Variants in RABGAP1L observed in about 807,000 individuals in gnomAD.
The protein encoded by RABGAP1L is RAB GTPase activating protein 1 like.
RABGAP1L carries 63 observed loss-of-function variants against 137.7 expected under a neutral mutation model. That is an observed-to-expected ratio of 0.46 (90% CI 0.37 to 0.56). The LOEUF is 0.56. Among genes scored for constraint, RABGAP1L ranks in the 20% least tolerant of loss-of-function variants. The pLI, the probability that RABGAP1L is intolerant of heterozygous loss-of-function variation, is 0.00. For missense variants in RABGAP1L, 1,095 were observed against 1,244.0 expected, an observed-to-expected ratio of 0.88 and a Z score of 1.80; for synonymous variants, 431 against 433.7, an observed-to-expected ratio of 0.99 and a Z score of 0.08.
At chr1:174,481,777 C>G (rs779770317) in intron 13 of RABGAP1L, among the ~76,000 whole-genome samples, 1 of 151,364 alleles carries the variant, frequency 6.6e-6, no homozygotes, top group Admixed American at 6.6e-5. Context: ...ATGTCTTATT[C>G]TTTGAGTTAG....
intron 19 of RABGAP1L, among the ~76,000 whole-genome samples, chr1:174,904,228 C>T (rs1573754862): frequency 6.6e-6 from 1 of 152,124 alleles, no homozygotes; most frequent in South Asian, 2.1e-4. Flanking sequence ...AGATTGAGGC[C>T]AGGTGTGGTG....
intron 14 of RABGAP1L, among the ~76,000 whole-genome samples, chr1:174,673,818 C>T (rs1048547419): frequency 2.4e-4 from 36 of 152,142 alleles, no homozygotes; most frequent in African/African-American, 7.7e-4. Flanking sequence ...GTCTGAAAGG[C>T]TGAATATGTA....
intron 19 of RABGAP1L, among the ~76,000 whole-genome samples, chr1:174,916,223 G>A (rs571413703): frequency 3.2e-4 from 48 of 152,084 alleles, no homozygotes; most frequent in Non-Finnish European, 5.9e-4. Flanking sequence ...TTGAAAGTCA[G>A]ATGACCATAA....
intron 17 of RABGAP1L, among the ~76,000 whole-genome samples, chr1:174,744,839 T>G (rs542629853): frequency 6.6e-6 from 1 of 152,310 alleles, no homozygotes; most frequent in Admixed American, 6.5e-5. Flanking sequence ...GTGGAGCATT[T>G]GATAAAAATA....
chr1:174,227,823 A>G (rs568736775), intron 3 of RABGAP1L, among the ~76,000 whole-genome samples: 1 of 149,298 alleles, frequency 6.7e-6, no homozygotes, highest in East Asian at 1.9e-4. Flanking sequence ...TTGCTAATAC[A>G]TATGTTAGAA....
intron 13 of RABGAP1L, among the ~76,000 whole-genome samples, chr1:174,515,544 C>T (rs1316794626): frequency 6.6e-6 from 1 of 150,784 alleles, no homozygotes; most frequent in African/African-American, 2.4e-5. Flanking sequence ...TGATTTGTTA[C>T]ATTTGCAAAT....
chr1:174,694,779 A>G (rs1161709202), intron 15 of RABGAP1L, among the ~76,000 whole-genome samples: 1 of 151,544 alleles, frequency 6.6e-6, no homozygotes, highest in Non-Finnish European at 1.5e-5. Context: ...CGCCACACTG[A>G]CTTCCACAAT....
intron 10 of RABGAP1L, among the ~76,000 whole-genome samples, chr1:174,300,921 C>T (rs1179359588): frequency 6.6e-6 from 1 of 152,158 alleles, no homozygotes; most frequent in African/African-American, 2.4e-5. Flanking sequence ...CAAGAAGGAA[C>T]TCACCATAGT....
At chr1:174,302,666 C>T (rs927152936) in intron 10 of RABGAP1L, among the ~76,000 whole-genome samples, 3 of 152,148 alleles carry the variant, frequency 2.0e-5, no homozygotes, top group Non-Finnish European at 4.4e-5. Flanking sequence ...TCAGAAGTTT[C>T]TATGACTTGA....
chr1:174,384,533 A>G (rs940937199), intron 12 of RABGAP1L, among the ~76,000 whole-genome samples: 1 of 152,176 alleles, frequency 6.6e-6, no homozygotes, highest in Non-Finnish European at 1.5e-5. Context: ...AAAGGAAAAA[A>G]AAAAAGAAAT....
At chr1:174,307,867 T>G (rs1678452424) in intron 11 of RABGAP1L, among the ~76,000 whole-genome samples, 1 of 152,156 alleles carries the variant, frequency 6.6e-6, no homozygotes. Flanking sequence ...GGTAGTTCTA[T>G]TTTTAATTTT....
At chr1:174,913,315 A>G (rs747533135) in intron 19 of RABGAP1L, among the ~76,000 whole-genome samples, 19 of 152,156 alleles carry the variant, frequency 1.2e-4, no homozygotes, top group Non-Finnish European at 2.4e-4. Context: ...ATAAAACAAT[A>G]TAACTATACA....
Position 174,370,616 on chromosome 1 carries a change from T to G in RABGAP1L, c.1466-363T>G, listed in dbSNP as rs150242599. Among the ~76,000 whole-genome samples, 195 of 151,496 alleles carry G rather than the reference T, an allele frequency of 1.3e-3. 1 individual carries two copies. The highest frequency in any genetic ancestry group is 4.4e-3 in the African/African-American group (182 of 41,414). ...GTATATATGTTTGGCCCTTAATTTT[T>G]ATGTTTGTTGGTCCCATTAATAAAA... On this transcript the variant is annotated intron_variant, in intron 11 of 25. Coordinates refer to ENST00000681986, the MANE Select transcript of RABGAP1L (RefSeq NM_001366446.1).
intron 14 of RABGAP1L, among the ~76,000 whole-genome samples, chr1:174,639,612 T>C (rs1674357620): frequency 6.6e-6 from 1 of 152,112 alleles, no homozygotes; most frequent in Non-Finnish European, 1.5e-5. Flanking sequence ...TTTTCTCTGA[T>C]TGATACTAGA....
intron 19 of RABGAP1L, among the ~76,000 whole-genome samples, chr1:174,913,717 T>C (rs569185978): frequency 5.6e-4 from 85 of 152,332 alleles, no homozygotes; most frequent in African/African-American, 1.9e-3. Context: ...AAAGGGTTTC[T>C]TTGTACTATA....
chr1:174,748,143 G>A (rs74934277), intron 17 of RABGAP1L, among the ~76,000 whole-genome samples: 3,217 of 152,252 alleles, frequency 0.021, 52 homozygotes, highest in Middle Eastern at 0.085. Flanking sequence ...TTACTTGTAA[G>A]TTCTTTGTGT....
At chr1:174,722,446 C>T (rs572069305) in intron 17 of RABGAP1L, among the ~76,000 whole-genome samples, 8 of 151,184 alleles carry the variant, frequency 5.3e-5, no homozygotes, top group Middle Eastern at 3.5e-3. Context: ...CCTTTTTTAT[C>T]GCAAGCTTCT....
At chr1:174,360,096 G>C (rs1349015950) in intron 11 of RABGAP1L, among the ~76,000 whole-genome samples, 1 of 152,044 alleles carries the variant, frequency 6.6e-6, no homozygotes, top group Non-Finnish European at 1.5e-5. Flanking sequence ...GGTTTTTATA[G>C]TTCTAATATC....
At chr1:174,646,973 A>G (rs1481428582) in intron 14 of RABGAP1L, among the ~76,000 whole-genome samples, 2 of 151,988 alleles carry the variant, frequency 1.3e-5, no homozygotes. Flanking sequence ...CTTTGTAGCA[A>G]TTGTGAATGG....
Sources: allele counts gnomAD v4.1 joint callset (sites outside exome capture counted in the v4.1 genomes callset), GRCh38; gene constraint gnomAD v4.1.1; transcripts MANE v1.5; gene names NCBI Gene and HGNC (gene_info 2026-07-23, HGNC 2026-07-21).